Variants in NEDD4 observed in about 807,000 individuals in gnomAD.
The protein encoded by NEDD4 is NEDD4 E3 ubiquitin protein ligase.
A neutral mutation model predicts 144.9 loss-of-function variants in NEDD4; 99 were observed. The observed-to-expected ratio is 0.68, with a 90% CI of 0.58 to 0.81. The LOEUF (loss-of-function observed/expected upper bound fraction) is 0.81, where lower values mean the gene tolerates loss of function less well. NEDD4 is among the 30% of genes least tolerant of loss of function. The probability of loss-of-function intolerance (pLI) is 0.00; values close to 1 mark genes in which losing one functional copy is unlikely to be tolerated. For missense variants in NEDD4, 985 were observed against 1,065.9 expected, an observed-to-expected ratio of 0.92 and a Z score of 1.06; for synonymous variants, 318 against 350.6, an observed-to-expected ratio of 0.91 and a Z score of 1.04.
intron 5 of NEDD4, among the ~76,000 whole-genome samples, chr15:55,892,456 G>C (rs2035602019): frequency 1.3e-5 from 2 of 151,748 alleles, no homozygotes; most frequent in African/African-American, 4.8e-5. Flanking sequence ...CAAACTTTTT[G>C]TTTCAATCAT....
chr15:55,952,252 T>C (rs1442873093), intron 2 of NEDD4, among the ~76,000 whole-genome samples: 3 of 151,878 alleles, frequency 2.0e-5, no homozygotes, highest in Non-Finnish European at 4.4e-5. Context: ...GAGAATGGCA[T>C]GAACCTGGAA....
At chr15:55,842,586 C>T (rs1293415006) in intron 18 of NEDD4, among the ~76,000 whole-genome samples, 12 of 152,142 alleles carry the variant, frequency 7.9e-5, no homozygotes. Flanking sequence ...CCATCTTGCC[C>T]AGGCTGGTCT....
chr15:55,910,849 A>G (rs1280976826), intron 5 of NEDD4, among the ~76,000 whole-genome samples: 11 of 152,198 alleles, frequency 7.2e-5, no homozygotes, highest in Admixed American at 5.2e-4. Flanking sequence ...TAATTCATTT[A>G]TAATCCATGA....
At chr15:55,847,894 G>A (rs138066287) in intron 17 of NEDD4, among the ~76,000 whole-genome samples, 413 of 152,054 alleles carry the variant, frequency 2.7e-3, no homozygotes, top group Non-Finnish European at 4.6e-3. Context: ...TGGCCGGGCC[G>A]GTCTCGAACT....
chr15:55,836,382 C>CA (rs758001445), intron 24 of NEDD4, among the ~76,000 whole-genome samples: 93 of 151,474 alleles, frequency 6.1e-4, no homozygotes, highest in Non-Finnish European at 1.1e-3. Flanking sequence ...ACTTTAGAGA[C>CA]AAAGTTTCAC....
At chr15:55,864,639 G>A (rs187641498) in intron 8 of NEDD4, among the ~76,000 whole-genome samples, 180 of 148,006 alleles carry the variant, frequency 1.2e-3, no homozygotes, top group Admixed American at 2.0e-3. Context: ...CCGAAATCAC[G>A]CCATTGCACT....
chr15:55,977,489 C>A (rs1019740425), intron 1 of NEDD4, among the ~76,000 whole-genome samples: 1 of 151,278 alleles, frequency 6.6e-6, no homozygotes, highest in South Asian at 2.1e-4. Context: ...CAATGCATGA[C>A]TGTAAATATT....
intron 5 of NEDD4, among the ~76,000 whole-genome samples, chr15:55,881,129 G>A (rs1199276573): frequency 6.8e-6 from 1 of 147,400 alleles, no homozygotes; most frequent in Admixed American, 6.8e-5. Context: ...ATTGCAGTAA[G>A]TTTCTTTTCT....
chr15:55,909,700 G>A (rs1160037452), intron 5 of NEDD4, among the ~76,000 whole-genome samples: 6 of 152,274 alleles, frequency 3.9e-5, no homozygotes, highest in African/African-American at 1.4e-4. Flanking sequence ...CACCTGTGAT[G>A]TAAAGGGAGA....
chr15:55,952,172 CA>C (rs1304200377), intron 2 of NEDD4, among the ~76,000 whole-genome samples: 143 of 141,284 alleles, frequency 1.0e-3, no homozygotes, highest in Middle Eastern at 3.6e-3. Context: ...ACTAAAAATA[CA>C]AAAAAAAAAA....
At chr15:55,952,052 C>T (rs968415511) in intron 2 of NEDD4, among the ~76,000 whole-genome samples, 17 of 151,134 alleles carry the variant, frequency 1.1e-4, no homozygotes, top group African/African-American at 3.9e-4. Flanking sequence ...GGTGTGGCCG[C>T]GCACGGTGGC....
At chr15:55,991,997 A>G (rs1345248662) in intron 1 of NEDD4, 1 of 152,258 alleles carries the variant, frequency 6.6e-6, no homozygotes, top group East Asian at 1.9e-4. Context: ...TGCAATTAGC[A>G]GGGCCTACCT....
rs117097600 is a variant in NEDD4 at position 55,897,918 on chromosome 15, T to C, written c.292-23910A>G. 3.0e-4 allele frequency among the ~76,000 whole-genome samples: 46 copies of C among 152,260 alleles called. 1 individual carries two copies. The East Asian group carries it at 8.9e-3, about 29-fold the overall frequency. ...CTAGTGGCCATGAGCCACACTCCCA[T>C]CCTTGGCTGTGGAATCTGCACACAG... On this transcript the variant is annotated intron_variant, in intron 5 of 28. Transcript: ENST00000435532.
intron 1 of NEDD4, among the ~76,000 whole-genome samples, chr15:55,972,669 A>C (rs141996991): frequency 9.2e-5 from 14 of 152,198 alleles, no homozygotes; most frequent in Non-Finnish European, 1.8e-4. Flanking sequence ...TAAGTGAACT[A>C]AACTCTCCAA....
intron 2 of NEDD4, among the ~76,000 whole-genome samples, chr15:55,951,864 A>T (rs2142302359): frequency 6.6e-6 from 1 of 152,222 alleles, no homozygotes; most frequent in African/African-American, 2.4e-5. Context: ...CTAGATTTTT[A>T]AAATTTTGTT....
rs1349253581 is a variant in NEDD4 at position 55,838,008 on chromosome 15, G to T, written c.2201+99C>A. ...TTGTGATAGAGAAAAAGAACACTGA[G>T]ATTCTGGACAAGGGGACAGAGAAAG... is the stretch of plus-strand genomic sequence containing the variant. On this transcript the variant is annotated intron_variant, in intron 23 of 28. Coordinates refer to ENST00000435532, the MANE Select transcript of NEDD4 (RefSeq NM_006154.4). 8 of 936,758 alleles carry T rather than the reference G, an allele frequency of 8.5e-6. No homozygotes were observed. In the African/African-American group the frequency reaches 1.3e-4, roughly 16 times the overall value. 58.0% of individuals were successfully genotyped at this position (936,758 alleles called of 1,614,324 possible). A position where few individuals can be genotyped will look rare whatever the true frequency, so the allele number is the denominator to read the frequency against.
chr15:55,851,740 G>A (rs1421584228), intron 13 of NEDD4, among the ~76,000 whole-genome samples: 2 of 151,994 alleles, frequency 1.3e-5, no homozygotes, highest in African/African-American at 2.4e-5. Context: ...GCCTCCCAAA[G>A]TGCTGGGATT....
At chr15:55,970,199 A>G (rs1436874213) in intron 1 of NEDD4, among the ~76,000 whole-genome samples, 1 of 152,106 alleles carries the variant, frequency 6.6e-6, no homozygotes, top group Non-Finnish European at 1.5e-5. Flanking sequence ...CAAAGGGAAG[A>G]ATAAAAAGGA....
intron 2 of NEDD4, among the ~76,000 whole-genome samples, chr15:55,957,051 C>T (rs1273364831): frequency 6.6e-6 from 1 of 152,166 alleles, no homozygotes; most frequent in Non-Finnish European, 1.5e-5. Flanking sequence ...AACTTTTATA[C>T]AATTGTAAAC....
Sources: allele counts gnomAD v4.1 joint callset (sites outside exome capture counted in the v4.1 genomes callset), GRCh38; gene constraint gnomAD v4.1.1; transcripts MANE v1.5; gene names NCBI Gene and HGNC (gene_info 2026-07-23, HGNC 2026-07-21).